CFAP53: variants seen among roughly 807,000 people sequenced by gnomAD.
CFAP53 encodes cilia and flagella associated protein 53, also known as cilia- and flagella-associated protein 53.
A neutral mutation model predicts 59.7 loss-of-function variants in CFAP53; 62 were observed. That is an observed-to-expected ratio of 1.04 (90% CI 0.85 to 1.28). The LOEUF (loss-of-function observed/expected upper bound fraction) is 1.28, where lower values mean the gene tolerates loss of function less well. CFAP53 is among the 50% of genes most tolerant of loss of function. CFAP53 has a pLI of 0.00. For synonymous variants in CFAP53, 218 were observed against 205.7 expected, an observed-to-expected ratio of 1.06 and a Z score of -0.51; for missense variants, 629 against 615.6, an observed-to-expected ratio of 1.02 and a Z score of -0.23.
intron 7 of CFAP53, among the ~76,000 whole-genome samples, chr18:50,227,955 CTTTTTTTT>C (rs1191228047): frequency 4.4e-5 from 4 of 90,090 alleles, no homozygotes; most frequent in Non-Finnish European, 5.8e-5. Context: ...AACTTTTCTC[CTTTTTTTT>C]TTTTTTTTTT....
At chr18:50,248,129 T>TAAAAAAAAA (rs60474914) in intron 5 of CFAP53, among the ~76,000 whole-genome samples, 1 of 134,994 alleles carries the variant, frequency 7.4e-6, no homozygotes, top group Non-Finnish European at 1.6e-5. Flanking sequence ...CAACAAAAAT[T>TAAAAAAAAA]AAAAAAAAAA....
At chr18:50,265,602 A>C (rs985325819) in intron 1 of CFAP53, among the ~76,000 whole-genome samples, 16 of 152,238 alleles carry the variant, frequency 1.1e-4, no homozygotes, top group South Asian at 2.1e-4. Flanking sequence ...CGCACACAGC[A>C]GGGGCTCAAG....
intron 5 of CFAP53, among the ~76,000 whole-genome samples, chr18:50,245,887 G>A (rs1599122096): frequency 6.6e-6 from 1 of 151,928 alleles, no homozygotes; most frequent in Non-Finnish European, 1.5e-5. Flanking sequence ...GTTTCACTCT[G>A]GTTGTCCAGG....
rs566920677 is a variant in CFAP53, at chr18:50,231,440, A to G, written c.1317-3831T>C. ...TCTGGCCTCTCTCTTTCCCTTTCCC[A>G]ACTTAGGAACCTCAGTGGACAGTAT... On this transcript the variant is annotated intron_variant, in intron 7 of 7. Transcript: ENST00000398545. Among the ~76,000 whole-genome samples, 133 of 152,294 alleles carry G rather than the reference A, an allele frequency of 8.7e-4. 1 individual carries two copies. Among genetic ancestry groups the G allele is most frequent in the African/African-American group, 3.1e-3 (129 of 41,556 alleles).
rs1169783404 is a variant in CFAP53 at position 50,233,921 on chromosome 18, T to C, written c.1316+4682A>G. On this transcript the variant is annotated intron_variant, in intron 7 of 7. Coordinates refer to ENST00000398545, the MANE Select transcript of CFAP53 (RefSeq NM_145020.5). ...GGAGCCTAGGCCAATTGATTCCTCA[T>C]GGCAATCATCCACTGTGACGGAGCA... Among the ~76,000 whole-genome samples, 3 of 152,188 alleles carry C rather than the reference T, an allele frequency of 2.0e-5. No homozygotes were observed. The East Asian group carries it at 5.8e-4, about 29-fold the overall frequency.
intron 7 of CFAP53, among the ~76,000 whole-genome samples, chr18:50,230,571 T>C (rs1402605723): frequency 6.6e-6 from 1 of 152,214 alleles, no homozygotes; most frequent in African/African-American, 2.4e-5. Context: ...TGAGCAATTC[T>C]AGCAAACTGT....
intron 7 of CFAP53, 133 bp downstream of exon 7, chr18:50,238,470 T>C: frequency 1.7e-6 from 1 of 592,940 alleles, no homozygotes; most frequent in South Asian, 2.1e-5. Context: ...CAGGCTAATC[T>C]CAAACTCCTG....
chr18:50,253,308 G>A (rs1017976179), intron 3 of CFAP53, among the ~76,000 whole-genome samples: 10 of 152,166 alleles, frequency 6.6e-5, no homozygotes, highest in African/African-American at 1.9e-4. Flanking sequence ...GAGCCACTGC[G>A]CCCAGCCGTA....
At chr18:50,230,379 A>G (rs913407145) in intron 7 of CFAP53, among the ~76,000 whole-genome samples, 3 of 152,142 alleles carry the variant, frequency 2.0e-5, no homozygotes, top group Admixed American at 1.3e-4. Flanking sequence ...ATGAAGCTCT[A>G]AAAACTCTTG....
chr18:50,237,020 A>G (rs1442905688), intron 7 of CFAP53, among the ~76,000 whole-genome samples: 1 of 151,692 alleles, frequency 6.6e-6, no homozygotes, highest in African/African-American at 2.4e-5. Flanking sequence ...TAAAAATGAG[A>G]AAGAGGCCAG....
chr18:50,242,863 G>C (rs1030506716), intron 6 of CFAP53, 37 bp downstream of exon 6: 2 of 1,535,074 alleles, frequency 1.3e-6, no homozygotes. Flanking sequence ...ATTGAATTAA[G>C]GGCAAGCTAT....
chr18:50,249,354 C>T (rs1194698844), intron 5 of CFAP53, among the ~76,000 whole-genome samples: 4 of 151,624 alleles, frequency 2.6e-5, no homozygotes, highest in Non-Finnish European at 4.4e-5. Flanking sequence ...CCCATCTCTA[C>T]AAAAAATAAG....
chr18:50,261,385 TTTTTG>T, intron 2 of CFAP53, 148 bp from the exon 3 acceptor site: 4 of 762,280 alleles, frequency 5.2e-6, no homozygotes, highest in African/African-American at 3.7e-5. Flanking sequence ...TTGGTTTGTT[TTTTTG>T]TTTTTGTTTT....
intron 1 of CFAP53, among the ~76,000 whole-genome samples, chr18:50,263,318 G>C (rs2033912020): frequency 6.6e-6 from 1 of 152,188 alleles, no homozygotes; most frequent in Admixed American, 6.5e-5. Flanking sequence ...AAGAGACAGA[G>C]AGTCAATCTG....
chr18:50,242,804 G>GT, intron 6 of CFAP53, 96 bp downstream of exon 6: 5 of 1,024,256 alleles, frequency 4.9e-6, no homozygotes, highest in Non-Finnish European at 7.4e-6. Flanking sequence ...CCCTCATGGT[G>GT]TTTTACATAA....
intron 5 of CFAP53, among the ~76,000 whole-genome samples, chr18:50,248,890 G>A (rs1478782090): frequency 6.6e-6 from 1 of 151,568 alleles, no homozygotes; most frequent in African/African-American, 2.4e-5. Flanking sequence ...CAACTCAAAT[G>A]TCCTTCAACA....
intron 1 of CFAP53, 39 bp downstream of exon 1, chr18:50,266,297 A>T: frequency 6.2e-7 from 1 of 1,604,254 alleles, no homozygotes; most frequent in Non-Finnish European, 8.5e-7. Context: ...GGAGAGATGG[A>T]GAAAGCTGTA....
At chr18:50,251,028 A>G (rs372124265) in intron 4 of CFAP53, 52 bp from the exon 5 acceptor site, 5 of 1,449,700 alleles carry the variant, frequency 3.4e-6, no homozygotes, top group Non-Finnish European at 4.8e-6. Context: ...GGACAAGACA[A>G]GTTAGTGCAT....
intron 1 of CFAP53, among the ~76,000 whole-genome samples, chr18:50,265,547 C>A (rs2033945623): frequency 1.3e-5 from 2 of 152,196 alleles, no homozygotes; most frequent in African/African-American, 4.8e-5. Flanking sequence ...AAAGAGTTAA[C>A]CTTCCAGGAT....
Sources: gnomAD v4.1 joint callset for allele counts (sites outside exome capture counted in the v4.1 genomes callset) on GRCh38, gnomAD v4.1.1 for gene constraint, MANE v1.5 for transcripts, NCBI Gene and HGNC (gene_info 2026-07-23, HGNC 2026-07-21) for gene names.